Variants in DPP10 observed in about 807,000 individuals in gnomAD.
The protein encoded by DPP10 is inactive dipeptidyl peptidase 10.
DPP10 carries 33 observed loss-of-function variants against 120.9 expected under a neutral mutation model. That is an observed-to-expected ratio of 0.27 (90% CI 0.21 to 0.37). The LOEUF is 0.37. Among genes scored for constraint, DPP10 ranks in the 10% least tolerant of loss-of-function variants. DPP10 has a pLI of 1.00. For missense variants in DPP10, 816 were observed against 942.8 expected (o/e 0.87, Z 1.76); for synonymous variants, 337 against 326.1 (o/e 1.03, Z -0.36).
intron 1 of DPP10, among the ~76,000 whole-genome samples, chr2:114,773,426 A>G (rs319860): frequency 0.075 from 5,074 of 67,836 alleles, 370 homozygotes; most frequent in African/African-American, 0.18. Flanking sequence ...AACTCAACAG[A>G]CCTGACTTTT....
intron 3 of DPP10, among the ~76,000 whole-genome samples, chr2:115,391,600 G>A (rs1463881922): frequency 1.3e-5 from 2 of 151,550 alleles, no homozygotes; most frequent in Non-Finnish European, 2.9e-5. Flanking sequence ...TACATCTGAG[G>A]TACCAATATC....
At chr2:115,217,222 A>G (rs1265373258) in intron 1 of DPP10, among the ~76,000 whole-genome samples, 1 of 152,220 alleles carries the variant, frequency 6.6e-6, no homozygotes, top group African/African-American at 2.4e-5. Flanking sequence ...TGAACTTAGG[A>G]TAATTATCTA....
intron 5 of DPP10, among the ~76,000 whole-genome samples, chr2:115,550,736 T>C (rs1383081916): frequency 6.6e-6 from 1 of 152,008 alleles, no homozygotes; most frequent in Non-Finnish European, 1.5e-5. Context: ...CTATTGAAAT[T>C]CTCATGGCCT....
intron 15 of DPP10, 83 bp downstream of exon 15, chr2:115,777,917 T>C (rs1682307772): frequency 2.1e-6 from 3 of 1,434,166 alleles, no homozygotes; most frequent in South Asian, 1.2e-5. Flanking sequence ...AGGAAAAATT[T>C]GAAATGTCTT....
At chr2:115,365,954 T>C (rs1174773674) in intron 3 of DPP10, among the ~76,000 whole-genome samples, 2 of 151,994 alleles carry the variant, frequency 1.3e-5, no homozygotes, top group East Asian at 3.9e-4. Flanking sequence ...AGTATTAATA[T>C]ATATTACTGA....
At chr2:115,642,495 A>G (rs2086867004) in intron 5 of DPP10, among the ~76,000 whole-genome samples, 1 of 152,282 alleles carries the variant, frequency 6.6e-6, no homozygotes, top group South Asian at 2.1e-4. Flanking sequence ...CAGCCTGCTA[A>G]TCTGTGCCAT....
chr2:115,613,858 A>G (rs1401296246), intron 5 of DPP10, among the ~76,000 whole-genome samples: 1 of 152,192 alleles, frequency 6.6e-6, no homozygotes, highest in Non-Finnish European at 1.5e-5. Flanking sequence ...ATCCTTTGGG[A>G]AGCCTGCTAG....
intron 1 of DPP10, among the ~76,000 whole-genome samples, chr2:114,938,632 A>T (rs1388965590): frequency 1.3e-5 from 2 of 151,910 alleles, no homozygotes; most frequent in African/African-American, 4.8e-5. Context: ...AAGGAGTTGT[A>T]CTTAATTTAT....
intron 1 of DPP10, among the ~76,000 whole-genome samples, chr2:114,556,986 G>C (rs1342223923): frequency 1.5e-5 from 2 of 136,026 alleles, no homozygotes; most frequent in African/African-American, 5.4e-5. Flanking sequence ...AGTGTCAACA[G>C]ATAGCAAAGA....
chr2:115,336,102 A>G (rs1488951066), intron 2 of DPP10, among the ~76,000 whole-genome samples: 1 of 152,124 alleles, frequency 6.6e-6, no homozygotes, highest in Non-Finnish European at 1.5e-5. Context: ...CCAAGAACTT[A>G]AAGTCATAAA....
intron 10 of DPP10, 48 bp downstream of exon 10, chr2:115,746,231 C>G: frequency 6.9e-7 from 1 of 1,459,098 alleles, no homozygotes; most frequent in South Asian, 1.2e-5. Context: ...TATTTTCACT[C>G]CAATTATCAT....
intron 1 of DPP10, among the ~76,000 whole-genome samples, chr2:114,770,963 G>T (rs1681196437): frequency 6.6e-6 from 1 of 152,170 alleles, no homozygotes; most frequent in African/African-American, 2.4e-5. Context: ...TGCAATGGTG[G>T]AAAAGGTTTT....
At chr2:115,336,609 A>G (rs949667856) in intron 2 of DPP10, among the ~76,000 whole-genome samples, 3 of 151,298 alleles carry the variant, frequency 2.0e-5, no homozygotes, top group African/African-American at 4.8e-5. Flanking sequence ...CTATATATAT[A>G]TATATAATTG....
At position 115,672,680 on chromosome 2, in the gene DPP10, C is replaced by T. The variant is rs201509492; in HGVS notation, c.442-17007C>T. ...TCTTTCTTTCTTTCTCTCTTTCTTT[C>T]TCTTTCTTTCTTTCTTTCTTTCTTT... On this transcript the variant is annotated intron_variant, in intron 5 of 25. Coordinates refer to ENST00000410059, the MANE Select transcript of DPP10 (RefSeq NM_020868.6). Among the ~76,000 whole-genome samples, 641 of 113,224 alleles carry T rather than the reference C, an allele frequency of 5.7e-3. 16 individuals carry two copies. Among genetic ancestry groups the T allele is most frequent in the African/African-American group, 0.022 (616 of 27,938 alleles). The allele number at this position is 113,224 out of a possible 152,430, so 74.3% of individuals were successfully genotyped here. A position where few individuals can be genotyped will look rare whatever the true frequency, so the allele number is the denominator to read the frequency against.
intron 1 of DPP10, among the ~76,000 whole-genome samples, chr2:114,770,026 T>C (rs1681108318): frequency 6.6e-6 from 1 of 152,164 alleles, no homozygotes; most frequent in Admixed American, 6.5e-5. Context: ...CTCCCCAACA[T>C]GAACAAAGCC....
At chr2:114,908,272 C>G (rs1391836921) in intron 1 of DPP10, among the ~76,000 whole-genome samples, 1 of 151,850 alleles carries the variant, frequency 6.6e-6, no homozygotes, top group Non-Finnish European at 1.5e-5. Context: ...ATCTTTCACT[C>G]TTGATTGGAT....
intron 1 of DPP10, among the ~76,000 whole-genome samples, chr2:115,299,098 C>A (rs1473140961): frequency 1.3e-5 from 2 of 152,000 alleles, no homozygotes; most frequent in African/African-American, 2.4e-5. Context: ...AATAATGTAA[C>A]TGTAGAAAGA....
intron 4 of DPP10, among the ~76,000 whole-genome samples, chr2:115,520,689 A>G (rs1288480188): frequency 6.6e-6 from 1 of 152,150 alleles, no homozygotes; most frequent in Non-Finnish European, 1.5e-5. Flanking sequence ...TGCATCTCTC[A>G]TTCTGCCTTC....
chr2:115,522,699 C>T (rs966917542), intron 4 of DPP10, among the ~76,000 whole-genome samples: 1 of 152,056 alleles, frequency 6.6e-6, no homozygotes. Flanking sequence ...ATGTCGAAAA[C>T]TGGACAGGCA....
Sources: gnomAD v4.1 joint callset for allele counts (sites outside exome capture counted in the v4.1 genomes callset) on GRCh38, gnomAD v4.1.1 for gene constraint, MANE v1.5 for transcripts, NCBI Gene and HGNC (gene_info 2026-07-23, HGNC 2026-07-21) for gene names.